Variants in TSGA10 observed in about 807,000 individuals in gnomAD.
TSGA10 encodes the protein testis-specific gene 10 protein.
Under a neutral mutation model 96.6 loss-of-function variants are expected in TSGA10, and 43 were observed. The observed-to-expected ratio is 0.44, with a 90% CI of 0.35 to 0.57. TSGA10 has a LOEUF of 0.57. Ranked by LOEUF, TSGA10 falls within the 20% of genes least tolerant of loss-of-function variation. TSGA10 has a pLI of 0.01. For missense variants in TSGA10, 703 were observed against 834.4 expected (o/e 0.84, Z 1.94); for synonymous variants, 229 against 269.9 (o/e 0.85, Z 1.48).
rs1559044205 is a variant in TSGA10 at position 99,108,951 on chromosome 2, CTTG to C, written c.89_91del (p.Thr30del). The C allele has an allele frequency of 6.3e-6, 10 of 1,597,164 alleles. No homozygotes were observed. The East Asian group carries it at 9.0e-5, about 14-fold the overall frequency. ...CATGCATTTAAGTTCTTCACGATCT[CTTG>C]TTGTTGTCTTCAAAAGTTCTACATC... On this transcript the variant is annotated inframe_deletion, in exon 7 of 21. Transcript: ENST00000393483.
intron 16 of TSGA10, among the ~76,000 whole-genome samples, chr2:99,060,346 A>G (rs1394309830): frequency 6.6e-6 from 1 of 152,162 alleles, no homozygotes; most frequent in Non-Finnish European, 1.5e-5. Flanking sequence ...AGAGCCATAA[A>G]AAACCCCATG....
intron 1 of TSGA10, among the ~76,000 whole-genome samples, chr2:99,152,867 C>T (rs914970858): frequency 6.6e-6 from 1 of 151,994 alleles, no homozygotes; most frequent in Non-Finnish European, 1.5e-5. Flanking sequence ...AGTTCAGGAG[C>T]ATGGCTTTTA....
intron 16 of TSGA10, among the ~76,000 whole-genome samples, chr2:99,049,093 A>G (rs1451032940): frequency 6.6e-6 from 1 of 152,218 alleles, no homozygotes; most frequent in Non-Finnish European, 1.5e-5. Context: ...GATGCTGGAG[A>G]GGATGTGGAG....
intron 15 of TSGA10, among the ~76,000 whole-genome samples, chr2:99,066,018 A>AT (rs1163605051): frequency 6.6e-6 from 1 of 152,172 alleles, no homozygotes; most frequent in East Asian, 1.9e-4. Flanking sequence ...AATTTTGGTA[A>AT]TTTTTTAAAA....
chr2:99,118,595 T>C lies in TSGA10; in HGVS notation c.-400A>G, dbSNP rs2092407680. ...AATCAATCAAGTATTTGCTGCCTAA[T>C]GTGGAGGAACACAGCTTTCCTTCCC... On this transcript the variant is annotated 5_prime_UTR_variant, in exon 3 of 21. Transcript: ENST00000393483. The C allele has an allele frequency of 1.0e-6, 1 of 983,914 alleles. No individual in the cohort carries two copies. The highest frequency in any genetic ancestry group is 1.8e-5 in the African/African-American group (1 of 57,106). The allele number at this position is 983,914 out of a possible 1,614,324, so 60.9% of individuals were successfully genotyped here. A position where few individuals can be genotyped will look rare whatever the true frequency, so the allele number is the denominator to read the frequency against.
chr2:99,131,026 T>G lies in TSGA10; in HGVS notation c.-620-3850A>C, dbSNP rs2093055305. Among the ~76,000 whole-genome samples, 3 of 152,304 alleles carry G rather than the reference T, an allele frequency of 2.0e-5. No individual in the cohort carries two copies. In the East Asian group the frequency reaches 5.8e-4, roughly 29 times the overall value. On this transcript the variant is annotated intron_variant, in intron 1 of 20. Transcript: ENST00000393483. ...TTTTGGTACCAGTACCATGCTGTTT[T>G]GATTACTGTAGCCTTGTAGTATAGT...
Position 99,081,263 on chromosome 2 carries a change from T to C in TSGA10, c.727+19A>G. The C allele has an allele frequency of 7.3e-7, 1 of 1,360,990 alleles. No homozygotes were observed. Among genetic ancestry groups the C allele is most frequent in the Non-Finnish European group, 1.0e-6 (1 of 982,030 alleles). 84.3% of individuals were successfully genotyped at this position (1,360,990 alleles called of 1,614,324 possible). A position where few individuals can be genotyped will look rare whatever the true frequency, so the allele number is the denominator to read the frequency against. On this transcript the variant is annotated intron_variant, in intron 11 of 20. Transcript: ENST00000393483. ...AACTTAAGAAAAACTAAAAGTAATA[T>C]TAAGAGAAAAAAACTCACCAATTTT...
intron 16 of TSGA10, among the ~76,000 whole-genome samples, chr2:99,046,004 A>G (rs1398103210): frequency 6.6e-6 from 1 of 152,230 alleles, no homozygotes; most frequent in Non-Finnish European, 1.5e-5. Flanking sequence ...AAAGGGATCA[A>G]TTCAACAAGA....
chr2:99,109,279 G>C, intron 6 of TSGA10, 110 bp downstream of exon 6: 2 of 1,190,382 alleles, frequency 1.7e-6, no homozygotes, highest in Admixed American at 3.6e-5. Flanking sequence ...CTTTGAAACA[G>C]CAATTCACAG....
chr2:99,022,510 G>A (rs1008188717), intron 17 of TSGA10, among the ~76,000 whole-genome samples: 1 of 151,950 alleles, frequency 6.6e-6, no homozygotes, highest in Non-Finnish European at 1.5e-5. Context: ...AAGAGTTATC[G>A]ATGTTTTAGC....
At chr2:99,091,495 T>C (rs1372969388) in intron 10 of TSGA10, among the ~76,000 whole-genome samples, 2 of 152,130 alleles carry the variant, frequency 1.3e-5, no homozygotes, top group African/African-American at 4.8e-5. Context: ...AATGCTCCAC[T>C]TAAAAGATAC....
intron 12 of TSGA10, among the ~76,000 whole-genome samples, chr2:99,075,203 C>G (rs2086554928): frequency 6.6e-6 from 1 of 152,084 alleles, no homozygotes; most frequent in Non-Finnish European, 1.5e-5. Flanking sequence ...TCAGTATGTT[C>G]TAAGATGTAT....
chr2:99,034,621 T>C (rs1055878790), intron 17 of TSGA10, among the ~76,000 whole-genome samples: 3 of 152,188 alleles, frequency 2.0e-5, no homozygotes, highest in African/African-American at 7.2e-5. Context: ...TTTTTCCTTC[T>C]GAATGGGATG....
chr2:98,999,903 C>G (rs1382773121), intron 20 of TSGA10, among the ~76,000 whole-genome samples: 1 of 152,118 alleles, frequency 6.6e-6, no homozygotes, highest in African/African-American at 2.4e-5. Flanking sequence ...CACGTGCCAC[C>G]ATATCTGGCT....
chr2:99,091,685 A>G (rs866536393), intron 10 of TSGA10, among the ~76,000 whole-genome samples: 15 of 152,288 alleles, frequency 9.8e-5, no homozygotes, highest in African/African-American at 3.4e-4. Flanking sequence ...TTTGAAAACA[A>G]CAGCAGTTGA....
At chr2:99,130,446 T>A (rs150475011) in intron 1 of TSGA10, among the ~76,000 whole-genome samples, 4,428 of 152,316 alleles carry the variant, frequency 0.029, 206 homozygotes, top group East Asian at 0.21. Context: ...TCTGTTCATA[T>A]CCTTTGCCCA....
chr2:99,072,772 G>A (rs1346640419), intron 13 of TSGA10, among the ~76,000 whole-genome samples: 1 of 152,112 alleles, frequency 6.6e-6, no homozygotes, highest in Non-Finnish European at 1.5e-5. Context: ...TAGGTCAAGA[G>A]GCTTGTCAAC....
chr2:99,046,079 C>G (rs1349207033), intron 16 of TSGA10, among the ~76,000 whole-genome samples: 5 of 152,198 alleles, frequency 3.3e-5, no homozygotes, highest in African/African-American at 1.2e-4. Context: ...AAAGCAAGTC[C>G]TTAGAGATCT....
At chr2:99,048,730 T>C (rs1394815389) in intron 16 of TSGA10, among the ~76,000 whole-genome samples, 2 of 152,016 alleles carry the variant, frequency 1.3e-5, no homozygotes, top group East Asian at 3.9e-4. Context: ...AATTGACAAA[T>C]GGGATCTAAT....
Sources: gnomAD v4.1 joint callset for allele counts (sites outside exome capture counted in the v4.1 genomes callset) on GRCh38, gnomAD v4.1.1 for gene constraint, MANE v1.5 for transcripts, NCBI Gene and HGNC (gene_info 2026-07-23, HGNC 2026-07-21) for gene names.